The following CYP4F3 variants were observed in gnomAD, a reference collection of about 807,000 sequenced individuals.
CYP4F3 encodes the protein cytochrome P450 family 4 subfamily F member 3.
Under a neutral mutation model 54.8 loss-of-function variants are expected in CYP4F3, and 50 were observed. The ratio of observed to expected loss-of-function variants is 0.91; its 90% confidence interval spans 0.73 to 1.16. The LOEUF (loss-of-function observed/expected upper bound fraction) is 1.16. Among genes scored for constraint, CYP4F3 ranks in the 50% most tolerant of loss-of-function variants. CYP4F3 has a pLI of 0.00. For synonymous variants in CYP4F3, 244 were observed against 262.6 expected, an observed-to-expected ratio of 0.93 and a Z score of 0.69; for missense variants, 715 against 676.2, an observed-to-expected ratio of 1.06 and a Z score of -0.64.
intron 9 of CYP4F3, among the ~76,000 whole-genome samples, chr19:15,657,634 C>T (rs1351805634): frequency 6.9e-6 from 1 of 145,210 alleles, no homozygotes; most frequent in East Asian, 2.1e-4. Context: ...CACAAACTTT[C>T]CCATAACTTT....
chr19:15,658,144 A>T, intron 9 of CYP4F3, 120 bp from the exon 10 acceptor site: 1 of 1,552,980 alleles, frequency 6.4e-7, no homozygotes, highest in East Asian at 2.3e-5. Context: ...ACTTTGTAAC[A>T]ATTCTTTTAA....
At position 15,652,895 on chromosome 19, in the gene CYP4F3, G is replaced by A. The variant is rs772202060; in HGVS notation, c.1058G>A (p.Arg353His). 5.0e-5 allele frequency: 80 copies of A among 1,613,702 alleles called. No homozygotes were observed. Among genetic ancestry groups the A allele is most frequent in the East Asian group, 2.5e-4 (11 of 44,892 alleles). ...HLAKHPEYQE[R>H]CRQEVQELLK... ...GCAAAGCACCCGGAATACCAGGAGC[G>A]CTGTCGGCAGGAGGTGCAAGAGCTT... Residue 353 changes from arginine (R) to histidine (H), a missense_variant, in exon 9 of 13, where the codon CGC becomes CAC. Transcript: ENST00000221307.
intron 2 of CYP4F3, chr19:15,644,122 C>A: frequency 2.1e-6 from 3 of 1,442,892 alleles, no homozygotes; most frequent in South Asian, 3.0e-5. Context: ...TATCCCCAAG[C>A]CGTGTGTGGC....
intron 3 of CYP4F3, 36 bp downstream of exon 3, chr19:15,645,899 C>T (rs563307423): frequency 6.4e-7 from 1 of 1,558,108 alleles, no homozygotes; most frequent in South Asian, 1.2e-5. Flanking sequence ...GTAGACACTG[C>T]ACTGGCCACG....
At chr19:15,658,942 T>A in intron 12 of CYP4F3, 133 bp downstream of exon 12, 1 of 1,333,286 alleles carries the variant, frequency 7.5e-7, no homozygotes, top group Admixed American at 2.2e-5. Flanking sequence ...CTGGAGTTTA[T>A]GGGAAAAGGC....
intron 7 of CYP4F3, among the ~76,000 whole-genome samples, chr19:15,652,276 GC>G (rs1972878804): frequency 1.2e-5 from 1 of 85,274 alleles, no homozygotes; most frequent in Non-Finnish European, 2.3e-5. Flanking sequence ...AACCCAGGTT[GC>G]CAGTGATTTT....
Position 15,661,516 on chromosome 19 carries a change from A to G in CYP4F3, c.*2131A>G, listed in dbSNP as rs1252887070. ...TTCCAGTGACTAAGGGTGTTGAACC[A>G]CTCGTGCCTTCCTGTGCCTATTTGA... On this transcript the variant is annotated 3_prime_UTR_variant, in exon 13 of 13. Transcript: ENST00000221307. 6.6e-6 allele frequency: 1 copy of G among 151,998 alleles called. No homozygotes were observed. Among genetic ancestry groups the G allele is most frequent in the African/African-American group, 2.4e-5 (1 of 41,354 alleles). The allele number at this position is 151,998 out of a possible 1,614,324, so 9.4% of individuals were successfully genotyped here.
intron 7 of CYP4F3, among the ~76,000 whole-genome samples, chr19:15,651,691 CTGT>C (rs61165207): frequency 0.45 from 68,418 of 151,422 alleles, 16,522 homozygotes; most frequent in East Asian, 0.65. Context: ...CTGTTTTTGT[CTGT>C]CCATGTTTAT....
intron 10 of CYP4F3, 45 bp downstream of exon 10, chr19:15,658,442 G>T: frequency 6.2e-7 from 1 of 1,613,692 alleles, no homozygotes; most frequent in South Asian, 1.1e-5. Context: ...AGGAAGAGGG[G>T]CCCCTCAGGC....
chr19:15,642,652 T>G (rs1165005375), intron 2 of CYP4F3, among the ~76,000 whole-genome samples: 1 of 152,176 alleles, frequency 6.6e-6, no homozygotes, highest in Non-Finnish European at 1.5e-5. Flanking sequence ...GAGTGGACAG[T>G]GTGTCTTTTC....
intron 6 of CYP4F3, 63 bp from the exon 7 acceptor site, chr19:15,649,850 G>A: frequency 1.3e-6 from 2 of 1,584,824 alleles, no homozygotes; most frequent in Non-Finnish European, 1.7e-6. Context: ...CTGCTGGTGG[G>A]AGGTGATCCT....
At position 15,659,613 on chromosome 19, in the gene CYP4F3, C is replaced by A. The variant is rs1973138672; in HGVS notation, c.*228C>A. On this transcript the variant is annotated 3_prime_UTR_variant, in exon 13 of 13. Transcript: ENST00000221307. ...AAAACAACCCCAAGCTATATATTAC[C>A]AGATGAAAGGATAAACAAAATATGG... 1.4e-6 allele frequency: 1 copy of A among 694,204 alleles called. No homozygotes were observed. The highest frequency in any genetic ancestry group is 3.0e-5 in the East Asian group (1 of 33,558). 43.0% of individuals were successfully genotyped at this position (694,204 alleles called of 1,614,324 possible). A position where few individuals can be genotyped will look rare whatever the true frequency, so the allele number is the denominator to read the frequency against.
In CYP4F3 at chr19:15,643,405, AATAGATAGATAGATAG is replaced by A. The variant is rs57178444; in HGVS notation, c.198+1830_198+1845del. Among the ~76,000 whole-genome samples the A allele has an allele frequency of 1.1e-3, 105 of 99,368 alleles. 1 individual carries two copies. Among genetic ancestry groups the A allele is most frequent in the Middle Eastern group, 5.3e-3 (1 of 188 alleles). The allele number at this position is 99,368 out of a possible 152,430, so 65.2% of individuals were successfully genotyped here. A position where few individuals can be genotyped will look rare whatever the true frequency, so the allele number is the denominator to read the frequency against. On this transcript the variant is annotated intron_variant, in intron 2 of 12. Transcript: ENST00000221307. ...AGATATGTAGAGATATATATAGGTA[AATAGATAGATAGATAG>A]ATAGATAGATAGATAGATAGATAGA...
intron 7 of CYP4F3, among the ~76,000 whole-genome samples, chr19:15,650,784 T>TCTTTCTTTC (rs1972807420): frequency 2.7e-5 from 1 of 37,568 alleles, no homozygotes; most frequent in Non-Finnish European, 5.0e-5. Flanking sequence ...TCGTTCTTTC[T>TCTTTCTTTC]TTCTTTCTTT....
chr19:15,641,590 T>C lies in CYP4F3; in HGVS notation c.175T>C (p.Trp59Arg). The change falls in exon 2 of 13, where the codon TGG becomes CGG. Residue 59 changes from tryptophan (W) to arginine (R), a missense_variant. Physicochemically the swap from Trp to Arg is moderately radical, Grantham distance 101. Transcript: ENST00000221307. ...RCFPQPPKRNWFLGHLGLIHS... is the reference protein window; with the variant it reads ...RCFPQPPKRNRFLGHLGLIHS... ...TTTCCCGCAACCCCCGAAACGGAAT[T>C]GGTTCTTGGGTCACCTGGGCCTGGT... 1 of 1,613,130 alleles carries C rather than the reference T, an allele frequency of 6.2e-7. No individual in the cohort carries two copies. The highest frequency in any genetic ancestry group is 1.1e-5 in the South Asian group (1 of 91,056).
In CYP4F3 at chr19:15,649,271, C is replaced by T. The variant is rs371153309; in HGVS notation, c.637C>T (p.His213Tyr). Residue 213 changes from histidine (H) to tyrosine (Y), a missense_variant, in exon 6 of 13, where the codon CAT becomes TAT. Physicochemically the swap from His to Tyr is moderately conservative, Grantham distance 83. Transcript: ENST00000221307. ...LQKCVFSFDSHCQEKPSEYIA... is the reference protein window; with the variant it reads ...LQKCVFSFDSYCQEKPSEYIA... ...GAAATGTGTCTTCAGCTTTGACAGC[C>T]ATTGCCAGGAGTAAGTTCTTGCCCA... is the stretch of plus-strand genomic sequence containing the variant. 1.2e-6 allele frequency: 2 copies of T among 1,612,966 alleles called. No homozygotes were observed. Among genetic ancestry groups the T allele is most frequent in the African/African-American group, 1.3e-5 (1 of 74,848 alleles).
chr19:15,657,178 G>A (rs1025841450), intron 9 of CYP4F3, among the ~76,000 whole-genome samples: 2 of 152,266 alleles, frequency 1.3e-5, no homozygotes, highest in African/African-American at 4.8e-5. Flanking sequence ...CCAAACTTTT[G>A]CTAAACTGGA....
At chr19:15,650,715 TC>T (rs1446253745) in intron 7 of CYP4F3, among the ~76,000 whole-genome samples, 3 of 100,536 alleles carry the variant, frequency 3.0e-5, no homozygotes, top group African/African-American at 1.5e-4. Flanking sequence ...TTTCTTTCTT[TC>T]TTTCTTTCTT....
rs1973127267 is a variant in CYP4F3, at chr19:15,659,285, G to A, written c.1463G>A (p.Arg488His). Residue 488 changes from arginine to histidine, a missense_variant, in exon 13 of 13, where the codon CGC becomes CAC. Coordinates refer to ENST00000221307, the MANE Select transcript of CYP4F3 (RefSeq NM_000896.3). ...GTGGTCCTGGGGCTCACGCTGCTGC[G>A]CTTCCGCGTCCTGCCTGACCACACC... is the stretch of plus-strand genomic sequence containing the variant. Reference protein sequence around the residue: ...MKVVLGLTLLRFRVLPDHTEP... With the variant: ...MKVVLGLTLLHFRVLPDHTEP... 2 of 1,613,500 alleles carry A rather than the reference G, an allele frequency of 1.2e-6. No homozygotes were observed. Among genetic ancestry groups the A allele is most frequent in the Middle Eastern group, 1.7e-4 (1 of 5,950 alleles).
Sources: allele counts gnomAD v4.1 joint callset (sites outside exome capture counted in the v4.1 genomes callset), GRCh38; gene constraint gnomAD v4.1.1; transcripts MANE v1.5; gene names NCBI Gene and HGNC (gene_info 2026-07-23, HGNC 2026-07-21).